PNLIPRP1: variants seen among roughly 807,000 people sequenced by gnomAD.
PNLIPRP1 encodes the protein pancreatic lipase related protein 1.
PNLIPRP1 carries 57 observed loss-of-function variants against 54.6 expected under a neutral mutation model. The ratio of observed to expected loss-of-function variants is 1.04; its 90% CI spans 0.84 to 1.30. The LOEUF is 1.30. Among genes scored for constraint, PNLIPRP1 ranks in the 50% most tolerant of loss-of-function variants. The pLI is 0.00. For synonymous variants in PNLIPRP1, 232 were observed against 208.8 expected (o/e 1.11, Z -0.96); for missense variants, 567 against 568.5 (o/e 1.00, Z 0.03).
chr10:116,592,528 C>CA lies in PNLIPRP1; in HGVS notation c.318dup (p.Asp107ArgfsTer53), dbSNP rs1554863373. 1 of 1,614,130 alleles carries CA rather than the reference C, an allele frequency of 6.2e-7. No homozygotes were observed. ...GACAAAGGAGATGAGAGCTGGGTGA[C>CA]AGACATGTGCAAGGTAGGAGCCAGC... On this transcript the variant is annotated frameshift_variant, in exon 4 of 13. Coordinates refer to ENST00000358834, the MANE Select transcript of PNLIPRP1 (RefSeq NM_006229.4). LOFTEE classifies it high-confidence loss of function.
intron 12 of PNLIPRP1, among the ~76,000 whole-genome samples, chr10:116,607,715 G>C (rs11197751): frequency 0.15 from 22,466 of 152,236 alleles, 2,053 homozygotes; most frequent in Admixed American, 0.2. Context: ...GAGCTCACAG[G>C]TGGTGAGGCC....
chr10:116,598,200 G>A, intron 8 of PNLIPRP1, 34 bp downstream of exon 8: 1 of 1,593,652 alleles, frequency 6.3e-7, no homozygotes. Context: ...GAGCAGGGCG[G>A]GTACTTTCCT....
chr10:116,599,856 T>TCA (rs1847802106), intron 8 of PNLIPRP1, among the ~76,000 whole-genome samples, 191 bp from the exon 9 acceptor site: 1 of 152,200 alleles, frequency 6.6e-6, no homozygotes, highest in Non-Finnish European at 1.5e-5. Context: ...GGTAAAGTGA[T>TCA]CAGAATGTTG....
chr10:116,601,770 G>A (rs1440942154), intron 10 of PNLIPRP1, among the ~76,000 whole-genome samples: 1 of 152,150 alleles, frequency 6.6e-6, no homozygotes, highest in Non-Finnish European at 1.5e-5. Flanking sequence ...GGGCCACTTT[G>A]TACCAACCTG....
intron 6 of PNLIPRP1, among the ~76,000 whole-genome samples, chr10:116,597,466 C>A (rs1352174378): frequency 6.6e-6 from 1 of 152,210 alleles, no homozygotes; most frequent in Non-Finnish European, 1.5e-5. Flanking sequence ...GTGTTCTTAA[C>A]TATGATACCA....
At chr10:116,600,988 G>C (rs1050171729) in intron 9 of PNLIPRP1, 84 bp from the exon 10 acceptor site, 1 of 1,292,756 alleles carries the variant, frequency 7.7e-7, no homozygotes, top group African/African-American at 1.5e-5. Context: ...TAGGCTGTAG[G>C]AAAATTGAGT....
chr10:116,592,293 G>T, intron 3 of PNLIPRP1, 123 bp from the exon 4 acceptor site: 1 of 1,112,380 alleles, frequency 9.0e-7, no homozygotes, highest in Non-Finnish European at 1.3e-6. Context: ...TGGGCTTCAT[G>T]GAAGAAGTGG....
intron 8 of PNLIPRP1, among the ~76,000 whole-genome samples, chr10:116,599,123 TGC>T (rs1847786330): frequency 1.3e-5 from 2 of 151,798 alleles, no homozygotes; most frequent in Non-Finnish European, 2.9e-5. Flanking sequence ...GTCGTGGTGG[TGC>T]GTGGCTGCAA....
intron 12 of PNLIPRP1, among the ~76,000 whole-genome samples, chr10:116,607,893 T>G (rs1233318962): frequency 6.6e-6 from 1 of 152,222 alleles, no homozygotes; most frequent in Non-Finnish European, 1.5e-5. Flanking sequence ...CTCGCTCTGT[T>G]GCCCAGGCTA....
At chr10:116,601,341 C>T in intron 10 of PNLIPRP1, 140 bp downstream of exon 10, 1 of 763,728 alleles carries the variant, frequency 1.3e-6, no homozygotes, top group South Asian at 1.9e-5. Context: ...GAAACTATTG[C>T]AGTTACAAGT....
intron 12 of PNLIPRP1, among the ~76,000 whole-genome samples, chr10:116,607,022 A>T (rs1427289338): frequency 1.7e-5 from 2 of 115,160 alleles, no homozygotes; most frequent in Non-Finnish European, 3.6e-5. Flanking sequence ...AGTAACATTT[A>T]ATAATAATAA....
chr10:116,599,344 T>C (rs563569352), intron 8 of PNLIPRP1, among the ~76,000 whole-genome samples: 4 of 149,420 alleles, frequency 2.7e-5, no homozygotes, highest in Non-Finnish European at 6.0e-5. Flanking sequence ...CACAGCCTCA[T>C]GAGGGTTTGC....
intron 5 of PNLIPRP1, 130 bp from the exon 6 acceptor site, chr10:116,596,084 A>G: frequency 1.5e-6 from 1 of 681,324 alleles, no homozygotes; most frequent in Non-Finnish European, 2.7e-6. Context: ...CTTCAGAATG[A>G]GTTTGGGCTT....
Position 116,604,048 on chromosome 10 carries a change from C to A in PNLIPRP1, c.1082C>A (p.Ser361Tyr), listed in dbSNP as rs781860088. 9.3e-6 allele frequency: 15 copies of A among 1,612,814 alleles called. No homozygotes were observed. The Admixed American group carries it at 2.5e-4, about 27-fold the overall frequency. The change falls in exon 11 of 13, where the codon TCC (serine) becomes TAC (tyrosine). Residue 361 changes from serine to tyrosine, a missense_variant. Ser to Tyr is a moderately radical substitution (Grantham distance 144, BLOSUM62 -2). Coordinates refer to ENST00000358834, the MANE Select transcript of PNLIPRP1 (RefSeq NM_006229.4). Reference sequence around the variant, plus strand: ...TGTGCAGGCTGGAGATATGGGGTTTCCATCACACTGTCTGGAAGAACAGCC... The same window carrying A: ...TGTGCAGGCTGGAGATATGGGGTTTACATCACACTGTCTGGAAGAACAGCC... Reference protein sequence around the residue: ...SNFARWRYGVSITLSGRTATG... With the variant: ...SNFARWRYGVYITLSGRTATG...
At chr10:116,602,964 T>C (rs1484819575) in intron 10 of PNLIPRP1, among the ~76,000 whole-genome samples, 7 of 69,186 alleles carry the variant, frequency 1.0e-4, no homozygotes, top group Admixed American at 1.4e-4. Context: ...CATGCACATG[T>C]TGTGTATATG....
At chr10:116,602,083 T>C (rs1297326476) in intron 10 of PNLIPRP1, among the ~76,000 whole-genome samples, 7 of 151,804 alleles carry the variant, frequency 4.6e-5, no homozygotes, top group Non-Finnish European at 8.8e-5. Flanking sequence ...AGGCGCAATC[T>C]TGGCTCACTA....
intron 11 of PNLIPRP1, among the ~76,000 whole-genome samples, chr10:116,604,799 G>C (rs533582907): frequency 6.9e-6 from 1 of 145,560 alleles, no homozygotes; most frequent in Non-Finnish European, 1.5e-5. Flanking sequence ...AGAAATTCTC[G>C]TGCCTCAGCC....
chr10:116,592,573 T>C, intron 4 of PNLIPRP1, 32 bp downstream of exon 4: 1 of 1,613,344 alleles, frequency 6.2e-7, no homozygotes, highest in Non-Finnish European at 8.5e-7. Context: ...TGTGGCCAGC[T>C]GAGGCCAACA....
chr10:116,591,690 G>C, intron 2 of PNLIPRP1, 81 bp from the exon 3 acceptor site: 1 of 1,417,616 alleles, frequency 7.1e-7, no homozygotes, highest in Non-Finnish European at 9.8e-7. Flanking sequence ...GAATAGAAGA[G>C]TGACCAGGCC....
Sources: allele counts gnomAD v4.1 joint callset (sites outside exome capture counted in the v4.1 genomes callset), GRCh38; gene constraint gnomAD v4.1.1; transcripts MANE v1.5; gene names NCBI Gene and HGNC (gene_info 2026-07-23, HGNC 2026-07-21).